CPNE4: variants seen among roughly 807,000 people sequenced by gnomAD.
The protein encoded by CPNE4 is copine 4.
In CPNE4, 25 loss-of-function variants were observed where a neutral mutation model predicts 67.9. The observed-to-expected ratio is 0.37, with a 90% CI of 0.27 to 0.51. CPNE4 has a LOEUF of 0.51. CPNE4 is among the 20% of genes least tolerant of loss of function. The probability of loss-of-function intolerance (pLI) is 0.93; values close to 1 mark genes in which losing one functional copy is unlikely to be tolerated. For missense variants in CPNE4, 464 were observed against 690.8 expected (o/e 0.67, Z 3.68); for synonymous variants, 242 against 244.9 (o/e 0.99, Z 0.11).
rs748126986 is a variant in CPNE4 at position 131,958,609 on chromosome 3, C to CTTTTTTTTTTTTTTTTTTT, written c.-1-53184_-1-53166dup. Among the ~76,000 whole-genome samples the CTTTTTTTTTTTTTTTTTTT allele has an allele frequency of 2.9e-4, 28 of 95,992 alleles. 2 individuals are homozygous for CTTTTTTTTTTTTTTTTTTT. Among genetic ancestry groups the CTTTTTTTTTTTTTTTTTTT allele is most frequent in the African/African-American group, 8.5e-4 (17 of 20,048 alleles). The allele number at this position is 95,992 out of a possible 152,430, so 63.0% of individuals were successfully genotyped here. On this transcript the variant is annotated intron_variant, in intron 1 of 15. Transcript: ENST00000429747. ...CAATTGATACACCTTTCTTTCTTTTCTTTTTTTTTTTTTTTTTTTTTTTTT... is the reference window on the plus strand; with the variant it reads ...CAATTGATACACCTTTCTTTCTTTTCTTTTTTTTTTTTTTTTTTTTTTTTTTTTTTTTTTTTTTTTTTTT...
intron 3 of CPNE4, among the ~76,000 whole-genome samples, chr3:131,718,917 T>G (rs1421650031): frequency 1.3e-5 from 2 of 152,164 alleles, no homozygotes; most frequent in African/African-American, 2.4e-5. Flanking sequence ...AAATCTATAG[T>G]GTTAAAGGAG....
chr3:131,688,331 A>G (rs1460508161), intron 5 of CPNE4, among the ~76,000 whole-genome samples: 1 of 152,142 alleles, frequency 6.6e-6, no homozygotes, highest in Non-Finnish European at 1.5e-5. Context: ...TCAAGACCCC[A>G]AAATGGTGGC....
At chr3:131,792,192 T>A (rs1439440369) in intron 2 of CPNE4, among the ~76,000 whole-genome samples, 1 of 152,086 alleles carries the variant, frequency 6.6e-6, no homozygotes, top group Non-Finnish European at 1.5e-5. Context: ...CTCTCATATA[T>A]GTTTCCATCC....
intron 1 of CPNE4, among the ~76,000 whole-genome samples, chr3:131,948,831 C>T (rs909631020): frequency 5.9e-5 from 9 of 152,050 alleles, no homozygotes; most frequent in African/African-American, 1.2e-4. Flanking sequence ...TGCTTTAGTA[C>T]AGAGAGACTT....
intron 1 of CPNE4, among the ~76,000 whole-genome samples, chr3:131,967,555 C>T (rs1279482317): frequency 6.6e-6 from 1 of 152,186 alleles, no homozygotes. Context: ...GAGCAAAAAT[C>T]ACAAGCATTC....
intron 2 of CPNE4, among the ~76,000 whole-genome samples, chr3:131,876,328 A>G (rs1310344085): frequency 6.6e-6 from 1 of 151,886 alleles, no homozygotes; most frequent in East Asian, 1.9e-4. Context: ...TTTTTGTGAG[A>G]ATGTTTTATT....
At chr3:131,654,563 C>G (rs1452374775) in intron 7 of CPNE4, among the ~76,000 whole-genome samples, 2 of 152,104 alleles carry the variant, frequency 1.3e-5, no homozygotes, top group African/African-American at 2.4e-5. Flanking sequence ...AATCACAACC[C>G]AAACATCTCC....
intron 7 of CPNE4, among the ~76,000 whole-genome samples, chr3:131,661,398 TA>T (rs2080121163): frequency 6.6e-6 from 1 of 152,220 alleles, no homozygotes; most frequent in Admixed American, 6.5e-5. Flanking sequence ...AAAGAATTAT[TA>T]AAGTTGAGAG....
At chr3:131,616,344 T>A (rs1222030699) in intron 7 of CPNE4, among the ~76,000 whole-genome samples, 1 of 152,182 alleles carries the variant, frequency 6.6e-6, no homozygotes, top group Non-Finnish European at 1.5e-5. Context: ...TTGTTAGGGC[T>A]GCTCTGAGTT....
chr3:131,964,482 G>T lies in CPNE4; in HGVS notation c.-1-59038C>A, dbSNP rs142784472. 1.6e-3 allele frequency among the ~76,000 whole-genome samples: 242 copies of T among 151,972 alleles called. 2 individuals are homozygous for T. The highest frequency in any genetic ancestry group is 0.013 in the East Asian group (66 of 5,102). On this transcript the variant is annotated intron_variant, in intron 1 of 15. Coordinates refer to ENST00000429747, the MANE Select transcript of CPNE4 (RefSeq NM_130808.3). ...AGGAAGCTAAGAACCTTGATAAAAGGTTACAGGAACTGCTAACTAGAATAA... is the reference window on the plus strand; with the variant it reads ...AGGAAGCTAAGAACCTTGATAAAAGTTTACAGGAACTGCTAACTAGAATAA...
intron 10 of CPNE4, among the ~76,000 whole-genome samples, chr3:131,568,029 C>T (rs546901436): frequency 1.3e-5 from 2 of 151,970 alleles, no homozygotes; most frequent in East Asian, 1.9e-4. Context: ...ATTCTCATAT[C>T]GACCTAGGGG....
rs1016320486 is a variant in CPNE4, at chr3:131,534,259, G to A, written c.*936C>T. Reference sequence around the variant, plus strand: ...GGAAGAGGTGTGAGTATAAAGCAGCGAGACTGATTTGAGGTGTGCAGCTTC... The same window carrying A: ...GGAAGAGGTGTGAGTATAAAGCAGCAAGACTGATTTGAGGTGTGCAGCTTC... On this transcript the variant is annotated 3_prime_UTR_variant, in exon 16 of 16. Transcript: ENST00000429747. The A allele has an allele frequency of 1.3e-5, 2 of 152,142 alleles. No individual in the cohort carries two copies. The highest frequency in any genetic ancestry group is 4.8e-5 in the African/African-American group (2 of 41,416). The allele number at this position is 152,142 out of a possible 1,614,324, so 9.4% of individuals were successfully genotyped here. A position where few individuals can be genotyped will look rare whatever the true frequency, so the allele number is the denominator to read the frequency against.
At chr3:131,768,186 CATTCTAGAGCTGG>C (rs2083071741) in intron 2 of CPNE4, among the ~76,000 whole-genome samples, 1 of 152,134 alleles carries the variant, frequency 6.6e-6, no homozygotes. Context: ...TGCACCCACT[CATTCTAGAGCTGG>C]TCGTGACTTC....
At chr3:131,857,229 A>G (rs1237405723) in intron 2 of CPNE4, among the ~76,000 whole-genome samples, 1 of 152,060 alleles carries the variant, frequency 6.6e-6, no homozygotes, top group African/African-American at 2.4e-5. Context: ...ATTCAAGGAA[A>G]TTACCCTTTA....
At chr3:131,927,946 G>C (rs189517132) in intron 1 of CPNE4, among the ~76,000 whole-genome samples, 29 of 152,134 alleles carry the variant, frequency 1.9e-4, no homozygotes, top group Non-Finnish European at 4.0e-4. Context: ...TATGAAAACC[G>C]CTAAAGAAAA....
chr3:131,818,647 C>G (rs2084840116), intron 2 of CPNE4, among the ~76,000 whole-genome samples: 1 of 152,182 alleles, frequency 6.6e-6, no homozygotes, highest in South Asian at 2.1e-4. Flanking sequence ...AGATCTCTAT[C>G]TTGCATATTA....
At chr3:131,874,207 G>GC (rs1307953109) in intron 2 of CPNE4, among the ~76,000 whole-genome samples, 5 of 151,680 alleles carry the variant, frequency 3.3e-5, no homozygotes, top group South Asian at 4.2e-4. Flanking sequence ...TCCTGCCTCA[G>GC]CCCCCCGAGT....
intron 3 of CPNE4, among the ~76,000 whole-genome samples, chr3:131,706,698 A>G (rs1373688321): frequency 6.6e-6 from 1 of 152,214 alleles, no homozygotes; most frequent in Non-Finnish European, 1.5e-5. Context: ...TCTGATAAGA[A>G]ACATTTGCCA....
At chr3:131,857,092 C>A (rs2107657383) in intron 2 of CPNE4, among the ~76,000 whole-genome samples, 1 of 152,150 alleles carries the variant, frequency 6.6e-6, no homozygotes, top group South Asian at 2.1e-4. Flanking sequence ...ATCTTTGCTT[C>A]AAGGATTGTG....
Sources: gnomAD v4.1 joint callset for allele counts (sites outside exome capture counted in the v4.1 genomes callset) on GRCh38, gnomAD v4.1.1 for gene constraint, MANE v1.5 for transcripts, NCBI Gene and HGNC (gene_info 2026-07-23, HGNC 2026-07-21) for gene names.